ACBD6: variants seen among roughly 807,000 people sequenced by gnomAD.
ACBD6 encodes the protein acyl-CoA binding domain containing 6.
ACBD6 carries 28 observed loss-of-function variants against 37.2 expected under a neutral mutation model. The ratio of observed to expected loss-of-function variants is 0.75; its 90% confidence interval spans 0.56 to 1.03. The LOEUF is 1.03. ACBD6 is among the 50% of genes least tolerant of loss of function. The pLI is 0.00. For missense variants in ACBD6, 340 were observed against 337.4 expected (o/e 1.01, Z -0.06); for synonymous variants, 113 against 126.8 (o/e 0.89, Z 0.73).
intron 3 of ACBD6, among the ~76,000 whole-genome samples, chr1:180,457,565 C>G (rs1649972523): frequency 6.6e-6 from 1 of 152,084 alleles, no homozygotes; most frequent in Non-Finnish European, 1.5e-5. Context: ...CCTCAAAAGC[C>G]AGACCTAGTG....
At chr1:180,283,228 A>G (rs1649370308) in intron 8 of ACBD6, among the ~76,000 whole-genome samples, 1 of 152,178 alleles carries the variant, frequency 6.6e-6, no homozygotes, top group Non-Finnish European at 1.5e-5. Flanking sequence ...CGCAAGTGAG[A>G]GGAAAAATAA....
chr1:180,415,098 A>C (rs1462438567), intron 4 of ACBD6, among the ~76,000 whole-genome samples: 1 of 151,468 alleles, frequency 6.6e-6, no homozygotes. Context: ...AAAAACAAAA[A>C]CAAAAACAAA....
chr1:180,402,411 A>C (rs971070768), intron 5 of ACBD6, among the ~76,000 whole-genome samples: 1 of 152,200 alleles, frequency 6.6e-6, no homozygotes, highest in African/African-American at 2.4e-5. Flanking sequence ...TGTGATACAC[A>C]CTTAAAATCA....
intron 7 of ACBD6, among the ~76,000 whole-genome samples, chr1:180,305,576 G>A (rs1650320935): frequency 6.6e-6 from 1 of 152,134 alleles, no homozygotes; most frequent in South Asian, 2.1e-4. Flanking sequence ...CAGTTAGAAT[G>A]GCAATCATTA....
chr1:180,412,425 T>C (rs1160697486), intron 5 of ACBD6, among the ~76,000 whole-genome samples: 1 of 152,194 alleles, frequency 6.6e-6, no homozygotes, highest in African/African-American at 2.4e-5. Context: ...TTACTACCTT[T>C]GGCCATTTCA....
chr1:180,392,925 A>C (rs992750435), intron 6 of ACBD6, among the ~76,000 whole-genome samples: 1 of 152,198 alleles, frequency 6.6e-6, no homozygotes, highest in African/African-American at 2.4e-5. Flanking sequence ...TTTAAACTGC[A>C]TAACACCAGT....
At chr1:180,377,122 A>G (rs1653466930) in intron 6 of ACBD6, among the ~76,000 whole-genome samples, 1 of 151,324 alleles carries the variant, frequency 6.6e-6, no homozygotes, top group Admixed American at 6.6e-5. Flanking sequence ...AGTTGAACAG[A>G]AAAAAAAACA....
At chr1:180,347,389 G>C (rs1419354632) in intron 6 of ACBD6, among the ~76,000 whole-genome samples, 2 of 111,602 alleles carry the variant, frequency 1.8e-5, no homozygotes, top group African/African-American at 6.9e-5. Context: ...TTTTGAGACA[G>C]AGTCATGCTT....
intron 3 of ACBD6, chr1:180,435,962 T>C: frequency 8.6e-7 from 1 of 1,156,092 alleles, no homozygotes. Flanking sequence ...TGTACAATTG[T>C]TTAATTTTAA....
chr1:180,312,675 G>C (rs1486342723), intron 7 of ACBD6, among the ~76,000 whole-genome samples: 1 of 152,106 alleles, frequency 6.6e-6, no homozygotes, highest in Non-Finnish European at 1.5e-5. Flanking sequence ...TGTTTGCTCT[G>C]GGTTTTTGAT....
chr1:180,305,864 G>A (rs1298025541), intron 7 of ACBD6, among the ~76,000 whole-genome samples: 3 of 151,238 alleles, frequency 2.0e-5, no homozygotes, highest in Non-Finnish European at 4.4e-5. Context: ...AATGTGCAAC[G>A]ATAGACAGGA....
At chr1:180,317,194 C>T (rs965679161) in intron 6 of ACBD6, among the ~76,000 whole-genome samples, 2 of 152,108 alleles carry the variant, frequency 1.3e-5, no homozygotes, top group Admixed American at 1.3e-4. Context: ...TAAATACGTA[C>T]AATTATTATG....
At chr1:180,297,680 G>C (rs915691284) in intron 7 of ACBD6, among the ~76,000 whole-genome samples, 5 of 152,154 alleles carry the variant, frequency 3.3e-5, no homozygotes, top group Non-Finnish European at 7.3e-5. Context: ...GGATTCAAGA[G>C]AGTGTTTAGG....
At chr1:180,471,514 C>T (rs1234572812) in intron 3 of ACBD6, among the ~76,000 whole-genome samples, 2 of 151,594 alleles carry the variant, frequency 1.3e-5, no homozygotes, top group Non-Finnish European at 2.9e-5. Flanking sequence ...TTTAATTGGA[C>T]TTACAGTTCC....
At chr1:180,345,170 T>C (rs2101885165) in intron 6 of ACBD6, among the ~76,000 whole-genome samples, 2 of 152,354 alleles carry the variant, frequency 1.3e-5, no homozygotes, top group East Asian at 3.8e-4. Context: ...GTCTTGCTTA[T>C]TGCATACTGT....
At chr1:180,499,544 T>A (rs371491218) in intron 1 of ACBD6, among the ~76,000 whole-genome samples, 1 of 152,180 alleles carries the variant, frequency 6.6e-6, no homozygotes, top group Non-Finnish European at 1.5e-5. Context: ...CTTAGAAATA[T>A]AGTATTTTAA....
chr1:180,355,846 T>G (rs1185306382), intron 6 of ACBD6, among the ~76,000 whole-genome samples: 1 of 151,676 alleles, frequency 6.6e-6, no homozygotes, highest in South Asian at 2.1e-4. Context: ...TCCCTAGCTT[T>G]GAACAGAATC....
chr1:180,403,332 T>A (rs1358481220), intron 5 of ACBD6, among the ~76,000 whole-genome samples: 1 of 152,194 alleles, frequency 6.6e-6, no homozygotes, highest in Non-Finnish European at 1.5e-5. Context: ...TGCATTTCAT[T>A]GTATATAAAT....
chr1:180,481,222 GC>G (rs1044262375), intron 3 of ACBD6, among the ~76,000 whole-genome samples: 7 of 146,826 alleles, frequency 4.8e-5, no homozygotes, highest in Non-Finnish European at 7.5e-5. Flanking sequence ...TAATGGCTTG[GC>G]CCATGAAGGC....
Sources: allele counts gnomAD v4.1 joint callset (sites outside exome capture counted in the v4.1 genomes callset), GRCh38; gene constraint gnomAD v4.1.1; transcripts MANE v1.5; gene names NCBI Gene and HGNC (gene_info 2026-07-23, HGNC 2026-07-21).